The following ZNF208 variants were observed in gnomAD, a reference collection of about 807,000 sequenced individuals.
ZNF208 encodes zinc finger protein 208, also known as zinc finger protein 95.
In ZNF208, 10 loss-of-function variants were observed where a neutral mutation model predicts 12.1. That is an observed-to-expected ratio of 0.83 (90% confidence interval 0.51 to 1.40). The LOEUF (loss-of-function observed/expected upper bound fraction) is 1.40. Ranked by LOEUF, ZNF208 falls within the 40% of genes most tolerant of loss-of-function variation. The pLI is 0.00. For synonymous variants in ZNF208, 497 were observed against 488.4 expected, an observed-to-expected ratio of 1.02 and a Z score of -0.23; for missense variants, 1,652 against 1,485.0, an observed-to-expected ratio of 1.11 and a Z score of -1.85.
Position 21,971,093 on chromosome 19 carries a change from C to A in ZNF208, c.*98G>T. The A allele has an allele frequency of 6.2e-7, 1 of 1,613,252 alleles. No homozygotes were observed. The highest frequency in any genetic ancestry group is 1.1e-5 in the South Asian group (1 of 91,050). On this transcript the variant is annotated 3_prime_UTR_variant, in exon 4 of 4. Transcript: ENST00000397126. ...TGAGGACCAGTTGAAAGCCTCACCA[C>A]ATTCTTCACATTTGTAGGGTTTCTC... is the stretch of plus-strand genomic sequence containing the variant.
chr19:21,989,023 G>A, intron 1 of ZNF208, 114 bp from the exon 2 acceptor site: 3 of 1,335,848 alleles, frequency 2.2e-6, no homozygotes, highest in Non-Finnish European at 3.1e-6. Flanking sequence ...AAGCATGACT[G>A]AAATTATTCA....
Position 21,971,962 on chromosome 19 carries a change from A to T in ZNF208, c.3072T>A (p.Thr1024=). ...CTTCACATTTGTAGGGTGTCTCTCC[A>T]GTGTGAATTTTCTTATGTTCCATAA... is the stretch of plus-strand genomic sequence containing the variant. The part of the protein sequence containing the change: ...SNLMEHKKIH[T]GETPYKCEEC... Residue 1024 remains threonine (T), a synonymous_variant, in exon 4 of 4, where the codon ACT becomes ACA. Coordinates refer to ENST00000397126, the MANE Select transcript of ZNF208 (RefSeq NM_007153.3). 1 of 1,576,354 alleles carries T rather than the reference A, an allele frequency of 6.3e-7. No individual in the cohort carries two copies. The highest frequency in any genetic ancestry group is 1.1e-5 in the South Asian group (1 of 90,094).
chr19:21,950,788 C>A (rs930453105), intron 4 of ZNF208, among the ~76,000 whole-genome samples: 1 of 152,154 alleles, frequency 6.6e-6, no homozygotes, highest in Non-Finnish European at 1.5e-5. Flanking sequence ...AGTCACCATG[C>A]CTGGCCCCTA....
In ZNF208 at chr19:22,010,941, AG is replaced by A; in HGVS notation, c.-148del. Reference sequence around the variant, plus strand: ...GACCTCCGGCTGCAGCGAGAGACAAAGGACCGACCACATCCCGGAAGCCGAC... The same window carrying A: ...GACCTCCGGCTGCAGCGAGAGACAAAGACCGACCACATCCCGGAAGCCGAC... On this transcript the variant is annotated 5_prime_UTR_variant, in exon 1 of 4. Transcript: ENST00000397126. 1 of 1,201,344 alleles carries A rather than the reference AG, an allele frequency of 8.3e-7. No individual in the cohort carries two copies. The highest frequency in any genetic ancestry group is 1.2e-6 in the Non-Finnish European group (1 of 828,020). 74.4% of individuals were successfully genotyped at this position (1,201,344 alleles called of 1,614,324 possible).
downstream of ZNF208, among the ~76,000 whole-genome samples, chr19:21,964,922 ATT>A (rs1235837788): frequency 6.6e-6 from 1 of 151,972 alleles, no homozygotes; most frequent in Admixed American, 6.6e-5. Flanking sequence ...TTCTAACAAC[ATT>A]TCTTTTGCTT....
At chr19:21,985,051 T>C (rs1266999614) in intron 3 of ZNF208, among the ~76,000 whole-genome samples, 1 of 143,888 alleles carries the variant, frequency 6.9e-6, no homozygotes, top group African/African-American at 2.7e-5. Flanking sequence ...AATATAAATA[T>C]ACTGGAATAT....
chr19:21,953,695 CT>C (rs1339432994), intron 4 of ZNF208, among the ~76,000 whole-genome samples: 6 of 152,220 alleles, frequency 3.9e-5, no homozygotes, highest in African/African-American at 1.4e-4. Flanking sequence ...GTACCAGCCA[CT>C]GCAAAAACAT....
At chr19:21,962,450 A>C (rs1970088843), downstream of ZNF208, among the ~76,000 whole-genome samples, 1 of 152,160 alleles carries the variant, frequency 6.6e-6, no homozygotes, top group African/African-American at 2.4e-5. Context: ...CATTTTTAAA[A>C]AATTAAGTCT....
At chr19:21,993,339 A>C (rs1970775192) in intron 1 of ZNF208, among the ~76,000 whole-genome samples, 1 of 152,138 alleles carries the variant, frequency 6.6e-6, no homozygotes, top group Non-Finnish European at 1.5e-5. Flanking sequence ...ACTCTCATGA[A>C]TGTATTTTGA....
chr19:21,987,598 C>T (rs1970650131), intron 2 of ZNF208, among the ~76,000 whole-genome samples: 1 of 152,126 alleles, frequency 6.6e-6, no homozygotes, highest in African/African-American at 2.4e-5. Context: ...TACTTATAAA[C>T]ACTGTGCTCA....
chr19:21,977,607 C>T (rs556108034), intron 3 of ZNF208, among the ~76,000 whole-genome samples: 1 of 152,296 alleles, frequency 6.6e-6, no homozygotes, highest in African/African-American at 2.4e-5. Context: ...CCTCTGGTGC[C>T]TATGACACCA....
At chr19:21,948,899 A>G (rs955429883) in intron 4 of ZNF208, among the ~76,000 whole-genome samples, 8 of 152,188 alleles carry the variant, frequency 5.3e-5, no homozygotes, top group African/African-American at 1.9e-4. Context: ...AATAAAAACA[A>G]TGACCCTTAA....
intron 4 of ZNF208, among the ~76,000 whole-genome samples, chr19:21,959,763 C>A (rs926033939): frequency 9.9e-5 from 15 of 152,086 alleles, no homozygotes; most frequent in Non-Finnish European, 2.9e-5. Context: ...ATGCAGTTGA[C>A]CACAAAGGAC....
rs746966434 is a variant in ZNF208, at chr19:21,974,700, G to A, written c.334C>T (p.His112Tyr). The change falls in exon 4 of 4, where the codon CAC becomes TAC. Residue 112 changes from histidine (H) to tyrosine (Y), a missense_variant. Coordinates refer to ENST00000397126, the MANE Select transcript of ZNF208 (RefSeq NM_007153.3). ...RYEKCGHENL[H>Y]LKIGYTNVDE... ...ACATTGGTATAACCAATTTTTAAGT[G>A]TAAATTCTCATGTCCACATTTTTCA... 1 of 1,613,384 alleles carries A rather than the reference G, an allele frequency of 6.2e-7. No homozygotes were observed. The highest frequency in any genetic ancestry group is 1.7e-5 in the Admixed American group (1 of 59,954).
In ZNF208 at chr19:21,973,315, TTTC is replaced by T; in HGVS notation, c.1716_1718del (p.Lys573del). The T allele has an allele frequency of 6.2e-7, 1 of 1,610,186 alleles. No individual in the cohort carries two copies. The highest frequency in any genetic ancestry group is 1.3e-5 in the African/African-American group (1 of 74,864). On this transcript the variant is annotated inframe_deletion, in exon 4 of 4. Coordinates refer to ENST00000397126, the MANE Select transcript of ZNF208 (RefSeq NM_007153.3). Reference sequence around the variant, plus strand: ...TGTAGGGTTTCTCTACAGTATGAATTTTCTTATGATAACTAAGGGTTGAGGACC... The same window carrying T: ...TGTAGGGTTTCTCTACAGTATGAATTTTATGATAACTAAGGGTTGAGGACC...
intron 1 of ZNF208, among the ~76,000 whole-genome samples, chr19:21,992,538 C>A (rs1013816244): frequency 1.3e-5 from 2 of 152,134 alleles, no homozygotes; most frequent in African/African-American, 4.8e-5. Flanking sequence ...TCCTGTACTG[C>A]AGAGACATAA....
intron 3 of ZNF208, among the ~76,000 whole-genome samples, chr19:21,975,810 T>C (rs931642042): frequency 1.9e-4 from 12 of 63,628 alleles, no homozygotes; most frequent in African/African-American, 6.4e-4. Flanking sequence ...AACTGTGTGA[T>C]ATAGTCAAAG....
intron 1 of ZNF208, among the ~76,000 whole-genome samples, chr19:22,005,701 T>C (rs1487824050): frequency 1.3e-5 from 2 of 152,190 alleles, no homozygotes; most frequent in Admixed American, 6.5e-5. Flanking sequence ...TTCAATAACC[T>C]GATACAGCTA....
intron 4 of ZNF208, among the ~76,000 whole-genome samples, chr19:21,942,287 T>A (rs539754914): frequency 6.6e-6 from 1 of 152,290 alleles, no homozygotes; most frequent in East Asian, 1.9e-4. Context: ...AATAGTAGTA[T>A]ATATATAAGA....
Sources: gnomAD v4.1 joint callset for allele counts (sites outside exome capture counted in the v4.1 genomes callset) on GRCh38, gnomAD v4.1.1 for gene constraint, MANE v1.5 for transcripts, NCBI Gene and HGNC (gene_info 2026-07-23, HGNC 2026-07-21) for gene names.